TSPEAR: variants seen among roughly 807,000 people sequenced by gnomAD.
The protein encoded by TSPEAR is thrombospondin-type laminin G domain and EAR repeat-containing protein.
In TSPEAR, 69 loss-of-function variants were observed where a neutral mutation model predicts 71.6. The observed-to-expected ratio is 0.96, with a 90% CI of 0.79 to 1.18. TSPEAR has a LOEUF of 1.18. TSPEAR is among the 50% of genes most tolerant of loss of function. TSPEAR has a pLI of 0.00. For synonymous variants in TSPEAR, 402 were observed against 387.2 expected, an observed-to-expected ratio of 1.04 and a Z score of -0.45; for missense variants, 971 against 894.9, an observed-to-expected ratio of 1.09 and a Z score of -1.09.
chr21:44,601,987 G>A lies in TSPEAR; in HGVS notation c.83-33982C>T, dbSNP rs191154669. On this transcript the variant is annotated intron_variant, in intron 1 of 11. Coordinates refer to ENST00000323084, the MANE Select transcript of TSPEAR (RefSeq NM_144991.3). ...AGTGACCCCAGCAAGGCCAGCGGGTGCTCCCAGGCCATAGCCCGGTGTGGG... is the reference window on the plus strand; with the variant it reads ...AGTGACCCCAGCAAGGCCAGCGGGTACTCCCAGGCCATAGCCCGGTGTGGG... 4.4e-3 allele frequency: 2,702 copies of A among 607,876 alleles called. 31 individuals are homozygous for A. Among genetic ancestry groups the A allele is most frequent in the Middle Eastern group, 0.027 (60 of 2,188 alleles). The allele number at this position is 607,876 out of a possible 1,614,324, so 37.7% of individuals were successfully genotyped here.
At chr21:44,544,854 T>A (rs2053275721) in intron 2 of TSPEAR, among the ~76,000 whole-genome samples, 1 of 152,142 alleles carries the variant, frequency 6.6e-6, no homozygotes, top group African/African-American at 2.4e-5. Flanking sequence ...CAGGACGTTA[T>A]GCACTGATGA....
chr21:44,682,604 T>C (rs1459596601), intron 1 of TSPEAR, among the ~76,000 whole-genome samples: 2 of 152,218 alleles, frequency 1.3e-5, no homozygotes, highest in Non-Finnish European at 2.9e-5. Flanking sequence ...CTGGCTACTC[T>C]ATCAACTATA....
chr21:44,709,291 G>A (rs1988096341), intron 1 of TSPEAR, among the ~76,000 whole-genome samples: 1 of 152,250 alleles, frequency 6.6e-6, no homozygotes, highest in African/African-American at 2.4e-5. Context: ...CCGGACCACA[G>A]GCTCCTTACA....
At position 44,593,247 on chromosome 21, in the gene TSPEAR, G is replaced by A. The variant is rs1401868351; in HGVS notation, c.83-25242C>T. On this transcript the variant is annotated intron_variant, in intron 1 of 11. Transcript: ENST00000323084. The surrounding 1 kb of genome is among the most constrained non-coding windows in gnomAD (Gnocchi z 5.9). ...GAGCAGCGGGCGGTCAGCAGCCCTC[G>A]TCCCCGCCTGGGGTGGCTCCTCTGT... 6.6e-6 allele frequency among the ~76,000 whole-genome samples: 1 copy of A among 152,062 alleles called. No individual in the cohort carries two copies. The highest frequency in any genetic ancestry group is 1.9e-4 in the East Asian group (1 of 5,188).
At chr21:44,626,429 C>T (rs1328048053) in intron 1 of TSPEAR, among the ~76,000 whole-genome samples, 4 of 152,206 alleles carry the variant, frequency 2.6e-5, no homozygotes, top group Non-Finnish European at 4.4e-5. Flanking sequence ...ATGGCTCCAG[C>T]AGTGGCGAGG....
chr21:44,676,959 G>C, intron 1 of TSPEAR: 1 of 918,720 alleles, frequency 1.1e-6, no homozygotes, highest in Non-Finnish European at 1.8e-6. Context: ...TAGAGAGCTT[G>C]TCAGCTGGGT....
intron 1 of TSPEAR, among the ~76,000 whole-genome samples, chr21:44,698,579 C>G (rs1555951104): frequency 6.6e-6 from 1 of 152,214 alleles, no homozygotes; most frequent in Non-Finnish European, 1.5e-5. Context: ...CCCACCGCCC[C>G]ACATTTCCCC....
At chr21:44,676,621 T>C (rs1381620979) in intron 1 of TSPEAR, 4 of 756,020 alleles carry the variant, frequency 5.3e-6, no homozygotes, top group African/African-American at 5.1e-5. Flanking sequence ...CTCAAATTCA[T>C]ACTTCAATTC....
chr21:44,596,674 A>G (rs981339662), intron 1 of TSPEAR, among the ~76,000 whole-genome samples: 2 of 152,236 alleles, frequency 1.3e-5, no homozygotes, highest in Non-Finnish European at 2.9e-5. Flanking sequence ...TGTTGGGAAC[A>G]TCAATGGTTT....
At chr21:44,631,467 A>G (rs782225327) in intron 1 of TSPEAR, among the ~76,000 whole-genome samples, 9 of 152,220 alleles carry the variant, frequency 5.9e-5, no homozygotes, top group Non-Finnish European at 1.2e-4. Flanking sequence ...CTGTAATCCC[A>G]GCACTTTGGG....
In TSPEAR at chr21:44,711,520, G is replaced by T. The variant is rs782237610; in HGVS notation, c.-6C>A. The stretch of plus-strand genomic sequence containing the variant: ...AGACTCAGCAGGGCAGACATGAGGG[G>T]CTTGGGTGCCAAGCTCCATCCAGGG... On this transcript the variant is annotated 5_prime_UTR_variant, in exon 1 of 12. Transcript: ENST00000323084. This position sits in a 1 kb window ranked among gnomAD's most constrained non-coding sequence, Gnocchi z 4.5. The T allele has an allele frequency of 9.3e-6, 15 of 1,609,920 alleles. No individual in the cohort carries two copies. Among genetic ancestry groups the T allele is most frequent in the Non-Finnish European group, 1.3e-5 (15 of 1,178,536 alleles).
intron 1 of TSPEAR, among the ~76,000 whole-genome samples, chr21:44,652,605 G>A (rs976109269): frequency 1.3e-5 from 2 of 152,152 alleles, no homozygotes; most frequent in East Asian, 1.9e-4. Flanking sequence ...AAGATACTAG[G>A]TAGGAATGGC....
chr21:44,613,239 G>A (rs1308599939), intron 1 of TSPEAR, among the ~76,000 whole-genome samples: 3 of 152,202 alleles, frequency 2.0e-5, no homozygotes, highest in East Asian at 1.9e-4. Flanking sequence ...GAGGACACAC[G>A]GTTTTGAGCT....
chr21:44,707,680 G>A lies in TSPEAR; in HGVS notation c.82+3753C>T, dbSNP rs977755296. Among the ~76,000 whole-genome samples, 2 of 152,190 alleles carry A rather than the reference G, an allele frequency of 1.3e-5. 1 individual carries two copies. The highest frequency in any genetic ancestry group is 3.8e-4 in the East Asian group (2 of 5,198). On this transcript the variant is annotated intron_variant, in intron 1 of 11. Transcript: ENST00000323084. ...CAATTTGCGCTTCAGGAGTCCCAGA[G>A]TGACCGCCTGGCTCGGAGCAGGGAA... is the stretch of plus-strand genomic sequence containing the variant.
chr21:44,593,780 C>A lies in TSPEAR; in HGVS notation c.83-25775G>T, dbSNP rs144513606. On this transcript the variant is annotated intron_variant, in intron 1 of 11. Coordinates refer to ENST00000323084, the MANE Select transcript of TSPEAR (RefSeq NM_144991.3). The surrounding 1 kb of genome is among the most constrained non-coding windows in gnomAD (Gnocchi z 5.9). ...GAGAGGACGGACTCTGCTCTCACGC[C>A]ACAGCTGCTGTTTTTCTACAGTGGC... 5.5e-4 allele frequency among the ~76,000 whole-genome samples: 84 copies of A among 152,332 alleles called. No individual in the cohort carries two copies. The East Asian group carries it at 5.8e-3, about 10-fold the overall frequency.
chr21:44,591,621 G>A (rs1555926578), intron 1 of TSPEAR: 6 of 1,613,436 alleles, frequency 3.7e-6, no homozygotes, highest in East Asian at 2.2e-5. Context: ...AAGCCGGCTG[G>A]CAGCTAGACT....
chr21:44,589,623 A>AGGACCCAGAGCAGGGGTCAGAGGTG (rs1177014961), intron 1 of TSPEAR, among the ~76,000 whole-genome samples: 6 of 152,344 alleles, frequency 3.9e-5, no homozygotes, highest in African/African-American at 1.4e-4. Context: ...ACATCGAATG[A>AGGACCCAGAGCAGGGGTCAGAGGTG]GGACCCAGAG....
chr21:44,551,213 C>T, intron 2 of TSPEAR: 1 of 1,589,260 alleles, frequency 6.3e-7, no homozygotes. Flanking sequence ...GGCAGCTAGA[C>T]TGCTGGCAGC....
chr21:44,676,494 G>T (rs771165405), intron 1 of TSPEAR: 2 of 832,102 alleles, frequency 2.4e-6, no homozygotes, highest in Non-Finnish European at 4.2e-6. Context: ...CAGCGTGTTC[G>T]ATTCCTCTGA....
Sources: gnomAD v4.1 joint callset for allele counts (sites outside exome capture counted in the v4.1 genomes callset) on GRCh38, gnomAD v4.1.1 for gene constraint, Gnocchi (gnomAD v3.1) non-coding constraint, MANE v1.5 for transcripts, NCBI Gene and HGNC (gene_info 2026-07-23, HGNC 2026-07-21) for gene names.